Variants in SEMA6D observed in about 807,000 individuals in gnomAD.
The protein encoded by SEMA6D is semaphorin-6D.
In SEMA6D, 35 loss-of-function variants were observed where a neutral mutation model predicts 106.6. The ratio of observed to expected loss-of-function variants is 0.33; its 90% CI spans 0.25 to 0.44. The LOEUF (loss-of-function observed/expected upper bound fraction) is 0.44, where lower values mean the gene tolerates loss of function less well. SEMA6D is among the 20% of genes least tolerant of loss of function. SEMA6D has a pLI of 1.00. For missense variants in SEMA6D, 1,185 were observed against 1,345.9 expected (o/e 0.88, Z 1.87); for synonymous variants, 499 against 487.7 (o/e 1.02, Z -0.31).
intron 1 of SEMA6D, among the ~76,000 whole-genome samples, chr15:47,727,183 A>G (rs2079811245): frequency 6.6e-6 from 1 of 152,136 alleles, no homozygotes; most frequent in African/African-American, 2.4e-5. Flanking sequence ...AAATTTAAGC[A>G]CACTCCAGGC....
intron 1 of SEMA6D, among the ~76,000 whole-genome samples, chr15:47,286,974 T>G (rs1009588625): frequency 7.2e-5 from 11 of 152,320 alleles, no homozygotes; most frequent in Admixed American, 6.5e-4. Flanking sequence ...TCTAGTGTTC[T>G]CTGACATACA....
intron 1 of SEMA6D, among the ~76,000 whole-genome samples, chr15:47,747,384 C>T (rs978647139): frequency 1.3e-5 from 2 of 152,130 alleles, no homozygotes; most frequent in Non-Finnish European, 2.9e-5. Flanking sequence ...CTGCCCAACT[C>T]TTTTTAATTT....
chr15:47,263,338 A>G (rs1053384198), intron 1 of SEMA6D, among the ~76,000 whole-genome samples: 1 of 152,172 alleles, frequency 6.6e-6, no homozygotes, highest in African/African-American at 2.4e-5. Flanking sequence ...AAGGAATTTA[A>G]ACAAATTTAC....
rs57079521 is a variant in SEMA6D, at chr15:47,207,993, GCACACACACACACACA to G, written c.-239+23617_-239+23632del. 7.3e-3 allele frequency among the ~76,000 whole-genome samples: 649 copies of G among 89,440 alleles called. 10 individuals carry two copies. Among genetic ancestry groups the G allele is most frequent in the African/African-American group, 0.02 (499 of 24,550 alleles). 58.7% of individuals were successfully genotyped at this position (89,440 alleles called of 152,430 possible). On this transcript the variant is annotated intron_variant, in intron 1 of 19. Transcript: ENST00000558014. ...AGGTACAGTAGCCACTGGCGCGCGC[GCACACACACACACACA>G]CACACACACACACACACACACACAC... is the stretch of plus-strand genomic sequence containing the variant.
intron 3 of SEMA6D, among the ~76,000 whole-genome samples, chr15:47,539,772 T>A (rs577796837): frequency 1.3e-3 from 205 of 152,272 alleles, no homozygotes; most frequent in African/African-American, 4.8e-3. Flanking sequence ...CTTAGCACTG[T>A]GGGAAGCACA....
intron 1 of SEMA6D, among the ~76,000 whole-genome samples, chr15:47,301,737 G>A (rs946608390): frequency 7.2e-5 from 11 of 152,232 alleles, no homozygotes; most frequent in African/African-American, 1.9e-4. Context: ...GGGAGGAAAC[G>A]AGACGGGCAG....
At chr15:47,703,288 T>C (rs1030587044) in intron 4 of SEMA6D, among the ~76,000 whole-genome samples, 3 of 152,206 alleles carry the variant, frequency 2.0e-5, no homozygotes, top group Admixed American at 6.5e-5. Flanking sequence ...TTATAGGCTA[T>C]ACATTCATTT....
chr15:47,240,812 C>G (rs1451250166), intron 1 of SEMA6D, among the ~76,000 whole-genome samples: 1 of 152,186 alleles, frequency 6.6e-6, no homozygotes, highest in East Asian at 1.9e-4. Flanking sequence ...TTGAGATCAT[C>G]CAAGGATCTA....
chr15:47,694,766 G>A (rs550575804), intron 4 of SEMA6D, among the ~76,000 whole-genome samples: 2 of 152,068 alleles, frequency 1.3e-5, no homozygotes, highest in Non-Finnish European at 1.5e-5. Context: ...AGCAGGGCAC[G>A]GAAAGAATAT....
chr15:47,538,421 A>G (rs760608203), intron 3 of SEMA6D, among the ~76,000 whole-genome samples: 43 of 152,218 alleles, frequency 2.8e-4, no homozygotes, highest in African/African-American at 1.0e-3. Flanking sequence ...ATGTCAGACA[A>G]GTTGAGGTCT....
intron 1 of SEMA6D, among the ~76,000 whole-genome samples, chr15:47,293,375 T>G (rs760897953): frequency 3.3e-5 from 5 of 152,216 alleles, no homozygotes; most frequent in Admixed American, 6.5e-5. Context: ...AGTTCCTTAC[T>G]GGGCTGTCTG....
chr15:47,225,546 T>G (rs2031587974), intron 1 of SEMA6D, among the ~76,000 whole-genome samples: 7 of 89,756 alleles, frequency 7.8e-5, no homozygotes, highest in African/African-American at 3.2e-4. Context: ...TTTTTTTTTT[T>G]GATGGGGTTT....
intron 3 of SEMA6D, among the ~76,000 whole-genome samples, chr15:47,554,067 A>T (rs2045846128): frequency 6.6e-6 from 1 of 152,146 alleles, no homozygotes; most frequent in Non-Finnish European, 1.5e-5. Context: ...GCATTATCTC[A>T]TTTCACCCTC....
At chr15:47,578,094 A>G (rs898896800) in intron 3 of SEMA6D, among the ~76,000 whole-genome samples, 1 of 152,222 alleles carries the variant, frequency 6.6e-6, no homozygotes, top group Non-Finnish European at 1.5e-5. Flanking sequence ...CCAAATTTAC[A>G]GATGGAGAAA....
At chr15:47,401,340 T>C (rs2040392629) in intron 1 of SEMA6D, among the ~76,000 whole-genome samples, 1 of 152,190 alleles carries the variant, frequency 6.6e-6, no homozygotes. Flanking sequence ...GACAAGCACG[T>C]TGTCTCCTTT....
chr15:47,535,564 T>G (rs1035023308), intron 3 of SEMA6D, among the ~76,000 whole-genome samples: 1 of 151,866 alleles, frequency 6.6e-6, no homozygotes, highest in African/African-American at 2.4e-5. Flanking sequence ...CTACTGTACA[T>G]AAGAGCTAGT....
At chr15:47,556,989 C>T (rs1360816854) in intron 3 of SEMA6D, among the ~76,000 whole-genome samples, 1 of 152,124 alleles carries the variant, frequency 6.6e-6, no homozygotes, top group Non-Finnish European at 1.5e-5. Context: ...ATGTACATAA[C>T]AATGCCTACC....
intron 4 of SEMA6D, among the ~76,000 whole-genome samples, chr15:47,676,658 C>G (rs2078251662): frequency 6.6e-6 from 1 of 152,184 alleles, no homozygotes; most frequent in African/African-American, 2.4e-5. Context: ...AAATAGTTTA[C>G]TCAGCAAGAA....
At chr15:47,720,814 G>C (rs1376157070) in intron 1 of SEMA6D, among the ~76,000 whole-genome samples, 1 of 152,204 alleles carries the variant, frequency 6.6e-6, no homozygotes, top group African/African-American at 2.4e-5. Context: ...AAGATACAAA[G>C]AGTGAAAAAT....
Sources: allele counts gnomAD v4.1 joint callset (sites outside exome capture counted in the v4.1 genomes callset), GRCh38; gene constraint gnomAD v4.1.1; transcripts MANE v1.5; gene names NCBI Gene and HGNC (gene_info 2026-07-23, HGNC 2026-07-21).